EPB41L4A: variants seen among roughly 807,000 people sequenced by gnomAD.
EPB41L4A encodes the protein erythrocyte membrane protein band 4.1 like 4A.
A neutral mutation model predicts 108.6 loss-of-function variants in EPB41L4A; 100 were observed. The ratio of observed to expected loss-of-function variants is 0.92; its 90% confidence interval spans 0.78 to 1.09. The LOEUF (loss-of-function observed/expected upper bound fraction) is 1.09, where lower values mean the gene tolerates loss of function less well. Ranked by LOEUF, EPB41L4A falls within the 50% of genes least tolerant of loss-of-function variation. The pLI is 0.00. For synonymous variants in EPB41L4A, 319 were observed against 289.0 expected, an observed-to-expected ratio of 1.10 and a Z score of -1.05; for missense variants, 1,030 against 842.7, an observed-to-expected ratio of 1.22 and a Z score of -2.75.
At chr5:112,247,908 A>T (rs180715603) in intron 9 of EPB41L4A, among the ~76,000 whole-genome samples, 46 of 152,246 alleles carry the variant, frequency 3.0e-4, no homozygotes, top group African/African-American at 6.5e-4. Flanking sequence ...ATACTTTTTT[A>T]AAAAAACTAC....
intron 1 of EPB41L4A, among the ~76,000 whole-genome samples, chr5:112,417,693 T>G (rs1399853883): frequency 6.6e-6 from 1 of 152,188 alleles, no homozygotes; most frequent in Non-Finnish European, 1.5e-5. Context: ...CGAATGAGAA[T>G]CGAACTGAAT....
At chr5:112,292,738 A>C (rs1415658180) in intron 2 of EPB41L4A, among the ~76,000 whole-genome samples, 1 of 152,218 alleles carries the variant, frequency 6.6e-6, no homozygotes, top group African/African-American at 2.4e-5. Flanking sequence ...AAATTCTCTT[A>C]AGATTCAGAA....
At chr5:112,307,099 T>C (rs1419318549) in intron 2 of EPB41L4A, among the ~76,000 whole-genome samples, 3 of 152,162 alleles carry the variant, frequency 2.0e-5, no homozygotes, top group African/African-American at 7.2e-5. Flanking sequence ...GTCCTCCATG[T>C]TCACTCATGC....
In EPB41L4A at chr5:112,276,457, A is replaced by G. The variant is rs141088597; in HGVS notation, c.257-1053T>C. On this transcript the variant is annotated intron_variant, in intron 3 of 22. Transcript: ENST00000261486. The stretch of plus-strand genomic sequence containing the variant: ...TAATCTGTACTGTTTCCAAAAGTGC[A>G]TATTTCCAAGCTGTGCAGTAACTAG... Among the ~76,000 whole-genome samples the G allele has an allele frequency of 3.8e-3, 573 of 152,344 alleles. 7 individuals carry two copies. Among genetic ancestry groups the G allele is most frequent in the African/African-American group, 0.013 (546 of 41,574 alleles).
chr5:112,224,426 T>A (rs777945376), intron 12 of EPB41L4A, among the ~76,000 whole-genome samples: 1 of 152,158 alleles, frequency 6.6e-6, no homozygotes, highest in Non-Finnish European at 1.5e-5. Flanking sequence ...TTCCACTGTA[T>A]CTATTTTTCA....
At chr5:112,337,003 AAAC>A (rs1756962187) in intron 1 of EPB41L4A, among the ~76,000 whole-genome samples, 1 of 152,198 alleles carries the variant, frequency 6.6e-6, no homozygotes, top group Non-Finnish European at 1.5e-5. Context: ...TTGAGAACCC[AAAC>A]AACAACAGCT....
rs1749725918 is a variant in EPB41L4A, at chr5:112,240,759, G to A, written c.847C>T (p.His283Tyr). The A allele has an allele frequency of 3.2e-6, 5 of 1,585,754 alleles. No homozygotes were observed. The highest frequency in any genetic ancestry group is 1.2e-5 in the South Asian group (1 of 84,406). Residue 283 changes from histidine to tyrosine, a missense_variant, in exon 10 of 23, where the codon CAC (histidine) becomes TAC (tyrosine). Coordinates refer to ENST00000261486, the MANE Select transcript of EPB41L4A (RefSeq NM_022140.5). Reference protein sequence around the residue: ...FEARSKTACKHLWKCSVEHHT... With the variant: ...FEARSKTACKYLWKCSVEHHT... The stretch of plus-strand genomic sequence containing the variant: ...TGTTCCACACTGCACTTCCAGAGGT[G>A]CTTGCAAGCAGTTTTACTCCGAGCT...
intron 1 of EPB41L4A, among the ~76,000 whole-genome samples, chr5:112,323,072 A>G (rs1432938021): frequency 2.6e-5 from 4 of 152,184 alleles, no homozygotes; most frequent in Non-Finnish European, 4.4e-5. Flanking sequence ...CCAAGAATCC[A>G]TTCAGAGTTC....
chr5:112,328,613 C>T (rs894101543), intron 1 of EPB41L4A, among the ~76,000 whole-genome samples: 5 of 152,192 alleles, frequency 3.3e-5, no homozygotes, highest in Non-Finnish European at 7.3e-5. Flanking sequence ...CTTCATCAAG[C>T]TCACTGATTT....
At chr5:112,232,019 G>A (rs1011888626) in intron 12 of EPB41L4A, among the ~76,000 whole-genome samples, 1 of 151,756 alleles carries the variant, frequency 6.6e-6, no homozygotes, top group Non-Finnish European at 1.5e-5. Flanking sequence ...GAAGGCTGAG[G>A]TGGGAGGATT....
At chr5:112,332,054 A>T (rs752971017) in intron 1 of EPB41L4A, among the ~76,000 whole-genome samples, 1 of 152,224 alleles carries the variant, frequency 6.6e-6, no homozygotes, top group Non-Finnish European at 1.5e-5. Flanking sequence ...AAACCGAAGG[A>T]ATCTAAGGGA....
At chr5:112,156,694 C>T (rs1759659339) in intron 12 of EPB41L4A, among the ~76,000 whole-genome samples, 8 of 152,172 alleles carry the variant, frequency 5.3e-5, no homozygotes, top group Admixed American at 3.3e-4. Flanking sequence ...TCGACTATCA[C>T]ACATACCATT....
At chr5:112,349,560 T>C (rs1757904465) in intron 1 of EPB41L4A, among the ~76,000 whole-genome samples, 1 of 152,134 alleles carries the variant, frequency 6.6e-6, no homozygotes, top group African/African-American at 2.4e-5. Flanking sequence ...CCATGCAGAT[T>C]TGAGTTTCGG....
At chr5:112,153,066 A>T (rs1298166999) in intron 12 of EPB41L4A, among the ~76,000 whole-genome samples, 1 of 151,694 alleles carries the variant, frequency 6.6e-6, no homozygotes, top group Admixed American at 6.6e-5. Context: ...TAAATACACA[A>T]ACATTAGCCT....
At chr5:112,402,584 A>G (rs1243925037) in intron 1 of EPB41L4A, among the ~76,000 whole-genome samples, 1 of 152,186 alleles carries the variant, frequency 6.6e-6, no homozygotes. Flanking sequence ...AAAAAAAAGA[A>G]AAAGCGTGGG....
intron 17 of EPB41L4A, among the ~76,000 whole-genome samples, chr5:112,185,617 G>A (rs965279451): frequency 6.6e-6 from 1 of 152,142 alleles, no homozygotes; most frequent in Non-Finnish European, 1.5e-5. Context: ...GCTATTATTT[G>A]AAGATTAACA....
At chr5:112,153,537 A>G (rs1159357947) in intron 12 of EPB41L4A, among the ~76,000 whole-genome samples, 1 of 150,606 alleles carries the variant, frequency 6.6e-6, no homozygotes, top group African/African-American at 2.4e-5. Context: ...TCAAAAAAAA[A>G]ACAAAAGAAA....
chr5:112,358,547 G>C (rs115331856), intron 1 of EPB41L4A, among the ~76,000 whole-genome samples: 25 of 152,158 alleles, frequency 1.6e-4, no homozygotes, highest in African/African-American at 6.0e-4. Context: ...TTTAACAGCT[G>C]GATGATACTG....
At chr5:112,206,176 G>A (rs1333798634) in intron 13 of EPB41L4A, 1 of 152,162 alleles carries the variant, frequency 6.6e-6, no homozygotes, top group East Asian at 1.9e-4. Context: ...GCACCAGTGG[G>A]GAGGGGTGTG....
Sources: gnomAD v4.1 joint callset for allele counts (sites outside exome capture counted in the v4.1 genomes callset) on GRCh38, gnomAD v4.1.1 for gene constraint, MANE v1.5 for transcripts, NCBI Gene and HGNC (gene_info 2026-07-23, HGNC 2026-07-21) for gene names.